SI: variants seen among roughly 807,000 people sequenced by gnomAD.
The protein encoded by SI is sucrase-isomaltase.
Under a neutral mutation model 253.3 loss-of-function variants are expected in SI, and 235 were observed. The ratio of observed to expected loss-of-function variants is 0.93; its 90% CI spans 0.83 to 1.03. SI has a LOEUF of 1.03. SI is among the 50% of genes least tolerant of loss of function. The pLI, the probability that SI is intolerant of heterozygous loss-of-function variation, is 0.00. For missense variants in SI, 2,442 were observed against 2,211.1 expected (o/e 1.10, Z -2.09); for synonymous variants, 819 against 712.0 (o/e 1.15, Z -2.39).
Position 165,030,580 on chromosome 3 carries a change from C to G in SI, c.2892+132G>C, listed in dbSNP as rs1345312824. 1.2e-5 allele frequency: 11 copies of G among 956,312 alleles called. No individual in the cohort carries two copies. The East Asian group carries it at 2.8e-4, about 24-fold the overall frequency. 59.2% of individuals were successfully genotyped at this position (956,312 alleles called of 1,614,324 possible). On this transcript the variant is annotated intron_variant, in intron 25 of 47. Transcript: ENST00000264382. ...GTGAATTGCCTGTCAGAGATGCTAACTTCAAATTCCAAATGATTATCTACT... is the reference window on the plus strand; with the variant it reads ...GTGAATTGCCTGTCAGAGATGCTAAGTTCAAATTCCAAATGATTATCTACT...
At chr3:165,020,836 A>G (rs1363571572) in intron 27 of SI, among the ~76,000 whole-genome samples, 1 of 151,708 alleles carries the variant, frequency 6.6e-6, no homozygotes, top group Non-Finnish European at 1.5e-5. Flanking sequence ...TAAATTATTA[A>G]TTCTATCAGA....
intron 26 of SI, among the ~76,000 whole-genome samples, chr3:165,021,591 T>A (rs1347877531): frequency 1.3e-5 from 2 of 151,642 alleles, no homozygotes; most frequent in Non-Finnish European, 3.0e-5. Flanking sequence ...TACTGCATTT[T>A]TGAACCTTTA....
chr3:164,979,086 C>A lies in SI; in HGVS notation c.*276G>T. ...AAATTATATCTTAGCTATTTACATA[C>A]ATGTTTAGTAACTAGTTTACAATTG... On this transcript the variant is annotated 3_prime_UTR_variant, in exon 48 of 48. Coordinates refer to ENST00000264382, the MANE Select transcript of SI (RefSeq NM_001041.4). 3.3e-6 allele frequency: 1 copy of A among 298,940 alleles called. No homozygotes were observed. The highest frequency in any genetic ancestry group is 6.3e-6 in the Non-Finnish European group (1 of 159,974). The allele number at this position is 298,940 out of a possible 1,614,324, so 18.5% of individuals were successfully genotyped here.
intron 44 of SI, among the ~76,000 whole-genome samples, chr3:164,989,373 G>GAGA (rs1717600532): frequency 2.5e-5 from 3 of 120,612 alleles, no homozygotes; most frequent in African/African-American, 1.0e-4. Context: ...AGAAAGAAAG[G>GAGA]AAGAAAGAAA....
chr3:165,032,922 C>A (rs547784262), intron 23 of SI, among the ~76,000 whole-genome samples: 142 of 151,330 alleles, frequency 9.4e-4, no homozygotes, highest in African/African-American at 3.4e-3. Flanking sequence ...ATATGCAACA[C>A]ATATATACTC....
rs750667004 is a variant in SI at position 165,043,192 on chromosome 3, T to C, written c.1888-17A>G. On this transcript the variant is annotated splice_polypyrimidine_tract_variant and intron_variant, in intron 16 of 47. Coordinates refer to ENST00000264382, the MANE Select transcript of SI (RefSeq NM_001041.4). ...TGCTCCAACCTAAATAACAAATATATTTACTATTTATAATGTTAAGATTCT... is the reference window on the plus strand; with the variant it reads ...TGCTCCAACCTAAATAACAAATATACTTACTATTTATAATGTTAAGATTCT... The C allele has an allele frequency of 8.6e-6, 13 of 1,513,926 alleles. No homozygotes were observed. Among genetic ancestry groups the C allele is most frequent in the Non-Finnish European group, 1.1e-5 (12 of 1,093,892 alleles). 93.8% of individuals were successfully genotyped at this position (1,513,926 alleles called of 1,614,324 possible).
intron 20 of SI, 114 bp from the exon 21 acceptor site, chr3:165,038,138 C>A: frequency 1.1e-5 from 10 of 926,760 alleles, no homozygotes; most frequent in Non-Finnish European, 1.7e-5. Context: ...CAAATGAATA[C>A]GAATATATTG....
chr3:165,052,315 A>G lies in SI; in HGVS notation c.1513-2440T>C, dbSNP rs571103631. On this transcript the variant is annotated intron_variant, in intron 13 of 47. Coordinates refer to ENST00000264382, the MANE Select transcript of SI (RefSeq NM_001041.4). Reference sequence around the variant, plus strand: ...ACAACTAGTAGATTTGGAACATTGTAGTCATGAGGCAAAAGCCTCAGTGGA... The same window carrying G: ...ACAACTAGTAGATTTGGAACATTGTGGTCATGAGGCAAAAGCCTCAGTGGA... Among the ~76,000 whole-genome samples, 106 of 152,308 alleles carry G rather than the reference A, an allele frequency of 7.0e-4. 1 individual carries two copies. Among genetic ancestry groups the G allele is most frequent in the African/African-American group, 2.5e-3 (104 of 41,588 alleles).
chr3:165,051,833 T>A (rs1398263151), intron 13 of SI, among the ~76,000 whole-genome samples: 2 of 139,006 alleles, frequency 1.4e-5, no homozygotes, highest in African/African-American at 3.0e-5. Flanking sequence ...GGATGAAAAT[T>A]TTTTTTAGAA....
At chr3:164,997,380 C>T (rs1718058982) in intron 38 of SI, among the ~76,000 whole-genome samples, 1 of 150,860 alleles carries the variant, frequency 6.6e-6, no homozygotes, top group African/African-American at 2.4e-5. Flanking sequence ...ATGGTAATGT[C>T]TTATTTAGCA....
chr3:165,073,200 CTCTCTCTCTCTCTCTCTCTCTCTCTCTG>C (rs1714704394), intron 3 of SI, among the ~76,000 whole-genome samples: 1 of 140,688 alleles, frequency 7.1e-6, no homozygotes, highest in South Asian at 2.2e-4. Flanking sequence ...CTCTCTCTCT[CTCTCTCTCTCTCTCTCTCTCTCTCTCTG>C]TCTCTTTCCC....
intron 9 of SI, among the ~76,000 whole-genome samples, chr3:165,061,377 T>C (rs1429996535): frequency 6.6e-6 from 1 of 151,956 alleles, no homozygotes; most frequent in African/African-American, 2.4e-5. Context: ...GAACTGTAAT[T>C]ATGATTTTAT....
chr3:165,050,985 T>C (rs1359771167), intron 13 of SI, among the ~76,000 whole-genome samples: 1 of 152,048 alleles, frequency 6.6e-6, no homozygotes, highest in Admixed American at 6.6e-5. Context: ...TATTAACAGA[T>C]TAGAAAATAT....
chr3:164,992,922 A>G (rs1009804107), intron 41 of SI, among the ~76,000 whole-genome samples: 2 of 151,690 alleles, frequency 1.3e-5, no homozygotes, highest in African/African-American at 4.8e-5. Flanking sequence ...GGAAAAACAA[A>G]GGTTTTTTTT....
rs540912985 is a variant in SI, at chr3:165,012,283, C to T, written c.4062+697G>A. 8.5e-5 allele frequency among the ~76,000 whole-genome samples: 13 copies of T among 152,262 alleles called. No homozygotes were observed. The South Asian group carries it at 1.5e-3, about 17-fold the overall frequency. On this transcript the variant is annotated intron_variant, in intron 34 of 47. Coordinates refer to ENST00000264382, the MANE Select transcript of SI (RefSeq NM_001041.4). The stretch of plus-strand genomic sequence containing the variant: ...TTGCTAAGAAATAGACACAAAATCT[C>T]AATTACGCAAGGTAAATAAATTCTA...
At chr3:165,072,953 G>A (rs935361137) in intron 3 of SI, among the ~76,000 whole-genome samples, 1 of 152,038 alleles carries the variant, frequency 6.6e-6, no homozygotes, top group Non-Finnish European at 1.5e-5. Flanking sequence ...TAAATAACAA[G>A]CATAAATATA....
At chr3:165,027,008 C>T (rs932733693) in intron 25 of SI, among the ~76,000 whole-genome samples, 1 of 151,068 alleles carries the variant, frequency 6.6e-6, no homozygotes, top group Non-Finnish European at 1.5e-5. Context: ...CAAAAAAATA[C>T]AAAAGACAAC....
At chr3:165,059,347 T>C in intron 10 of SI, 48 bp from the exon 11 acceptor site, 1 of 1,567,836 alleles carries the variant, frequency 6.4e-7, no homozygotes, top group Non-Finnish European at 8.8e-7. Context: ...GAAAGAGCTC[T>C]CTAATCAAGT....
At chr3:165,071,861 T>C (rs2108107299) in intron 3 of SI, among the ~76,000 whole-genome samples, 1 of 152,238 alleles carries the variant, frequency 6.6e-6, no homozygotes, top group African/African-American at 2.4e-5. Flanking sequence ...GACATCTAGC[T>C]TCCAAGACTG....
Sources: allele counts gnomAD v4.1 joint callset (sites outside exome capture counted in the v4.1 genomes callset), GRCh38; gene constraint gnomAD v4.1.1; transcripts MANE v1.5; gene names NCBI Gene and HGNC (gene_info 2026-07-23, HGNC 2026-07-21).